The following RGS7 variants were observed in gnomAD, a reference collection of about 807,000 sequenced individuals.
RGS7 encodes the protein regulator of G-protein signaling 7.
A neutral mutation model predicts 81.1 loss-of-function variants in RGS7; 27 were observed. That is an observed-to-expected ratio of 0.33 (90% CI 0.25 to 0.46). RGS7 has a LOEUF of 0.46. RGS7 is among the 20% of genes least tolerant of loss of function. The pLI, the probability that RGS7 is intolerant of heterozygous loss-of-function variation, is 1.00. For missense variants in RGS7, 396 were observed against 607.4 expected (o/e 0.65, Z 3.66); for synonymous variants, 208 against 207.7 (o/e 1.00, Z -0.01).
chr1:241,070,434 C>T (rs962246091), intron 3 of RGS7, among the ~76,000 whole-genome samples: 3 of 151,858 alleles, frequency 2.0e-5, no homozygotes, highest in African/African-American at 2.4e-5. Flanking sequence ...GGTTTCTTAA[C>T]GTTCATCCAG....
At chr1:240,786,180 G>C (rs1207412172) in intron 18 of RGS7, among the ~76,000 whole-genome samples, 1 of 151,698 alleles carries the variant, frequency 6.6e-6, no homozygotes, top group Non-Finnish European at 1.5e-5. Context: ...AGAAAATGAA[G>C]AAAACATAGA....
At chr1:240,952,730 C>A (rs261846) in intron 4 of RGS7, among the ~76,000 whole-genome samples, 149,850 of 152,016 alleles carry the variant, frequency 0.99, 73,898 homozygotes, top group East Asian at 1. Flanking sequence ...CTAAATACAC[C>A]AACTAAAAAG....
At chr1:241,251,719 A>G (rs2076837110) in intron 2 of RGS7, among the ~76,000 whole-genome samples, 1 of 152,092 alleles carries the variant, frequency 6.6e-6, no homozygotes. Context: ...CACCTTCACC[A>G]GGCTGGTCTT....
chr1:241,150,554 C>T (rs889283151), intron 2 of RGS7, among the ~76,000 whole-genome samples: 3 of 152,184 alleles, frequency 2.0e-5, no homozygotes, highest in Admixed American at 6.5e-5. Context: ...GTTCTATAAA[C>T]CCCCTCCCAT....
chr1:240,897,067 A>G (rs1030700116), intron 6 of RGS7, among the ~76,000 whole-genome samples: 1 of 152,152 alleles, frequency 6.6e-6, no homozygotes, highest in African/African-American at 2.4e-5. Flanking sequence ...GAGTTCACTC[A>G]TGATTTGGCT....
At chr1:241,081,911 C>G (rs1265938982) in intron 3 of RGS7, among the ~76,000 whole-genome samples, 1 of 152,234 alleles carries the variant, frequency 6.6e-6, no homozygotes. Context: ...GAAGAATTTC[C>G]CTTTACCAAG....
At chr1:241,245,362 C>T (rs921535476) in intron 2 of RGS7, among the ~76,000 whole-genome samples, 3 of 147,362 alleles carry the variant, frequency 2.0e-5, no homozygotes, top group South Asian at 2.2e-4. Flanking sequence ...CCTCCTCTTG[C>T]TCCTGCCGTG....
In RGS7 at chr1:240,792,546, C is replaced by T. The variant is rs570094658; in HGVS notation, c.*6+8095G>A. ...CTTCTTCAGACCCTCTTTCTTGTGC[C>T]ACCTTTGCTCTGTCTCTCTCTCTCC... On this transcript the variant is annotated intron_variant, in intron 18 of 18. Coordinates refer to ENST00000440928, the MANE Select transcript of RGS7 (RefSeq NM_001364886.1). Among the ~76,000 whole-genome samples, 12 of 152,256 alleles carry T rather than the reference C, an allele frequency of 7.9e-5. No homozygotes were observed. The South Asian group carries it at 2.5e-3, about 32-fold the overall frequency.
chr1:241,329,920 G>GT lies in RGS7; in HGVS notation c.78+25778dup, dbSNP rs564609792. On this transcript the variant is annotated intron_variant, in intron 2 of 18. Coordinates refer to ENST00000440928, the MANE Select transcript of RGS7 (RefSeq NM_001364886.1). ...AAAAACTTGATGGCAATTTTTCTTT[G>GT]TTTTTTTTTTGTTTGTTTGTTTTTT... Among the ~76,000 whole-genome samples, 1,094 of 147,652 alleles carry GT rather than the reference G, an allele frequency of 7.4e-3. 10 individuals are homozygous for GT. The highest frequency in any genetic ancestry group is 0.01 in the Middle Eastern group (3 of 286).
At chr1:241,246,640 G>A (rs1309328208) in intron 2 of RGS7, among the ~76,000 whole-genome samples, 1 of 152,038 alleles carries the variant, frequency 6.6e-6, no homozygotes, top group African/African-American at 2.4e-5. Context: ...GTCCTTCGGG[G>A]GTAGGCAAAG....
rs2066647351 is a variant in RGS7, at chr1:241,126,211, G to A, written c.79-27449C>T. The stretch of plus-strand genomic sequence containing the variant: ...TGTTGCCAGGCTGGAGTGCAGTGGT[G>A]CAATCTCGGCTCAATGCAACCTCCG... On this transcript the variant is annotated intron_variant, in intron 2 of 18. Coordinates refer to ENST00000440928, the MANE Select transcript of RGS7 (RefSeq NM_001364886.1). Among the ~76,000 whole-genome samples the A allele has an allele frequency of 2.6e-5, 4 of 151,950 alleles. No homozygotes were observed. In the South Asian group the frequency reaches 8.3e-4, roughly 32 times the overall value.
At chr1:241,332,337 G>A (rs540682252) in intron 2 of RGS7, among the ~76,000 whole-genome samples, 8 of 152,298 alleles carry the variant, frequency 5.3e-5, no homozygotes, top group South Asian at 2.1e-4. Flanking sequence ...TGTAGGTGAC[G>A]TGATCTTGTG....
At chr1:241,148,405 T>G (rs1572891768) in intron 2 of RGS7, among the ~76,000 whole-genome samples, 1 of 152,280 alleles carries the variant, frequency 6.6e-6, no homozygotes. Flanking sequence ...GAATTGGTTC[T>G]GCTGAAAACT....
At chr1:240,776,354 A>G in intron 18 of RGS7, 141 bp from the exon 19 acceptor site, 1 of 691,440 alleles carries the variant, frequency 1.4e-6, no homozygotes. Flanking sequence ...CTTAGTTCAA[A>G]CCTCATGACC....
intron 3 of RGS7, among the ~76,000 whole-genome samples, chr1:241,018,271 C>G (rs2059368859): frequency 6.6e-6 from 1 of 151,908 alleles, no homozygotes; most frequent in South Asian, 2.1e-4. Context: ...GCATGAGCCA[C>G]CATACCCTGC....
At chr1:240,993,135 GAGGA>G (rs1686745269) in intron 3 of RGS7, among the ~76,000 whole-genome samples, 2 of 137,466 alleles carry the variant, frequency 1.5e-5, no homozygotes, top group Non-Finnish European at 1.6e-5. Flanking sequence ...AGGAAGGAAG[GAGGA>G]AAGGAAAGGA....
intron 3 of RGS7, among the ~76,000 whole-genome samples, chr1:241,046,307 C>CT (rs1553399825): frequency 7.6e-5 from 1 of 13,114 alleles, no homozygotes; most frequent in African/African-American, 1.3e-4. Context: ...CCCTGACCCC[C>CT]CCCCCCTTTT....
At chr1:241,060,218 A>C (rs184347888) in intron 3 of RGS7, among the ~76,000 whole-genome samples, 54 of 152,328 alleles carry the variant, frequency 3.5e-4, no homozygotes, top group African/African-American at 1.3e-3. Context: ...AACAACTATT[A>C]AATAGTATAG....
intron 9 of RGS7, among the ~76,000 whole-genome samples, chr1:240,856,721 T>C (rs565420791): frequency 1.3e-5 from 2 of 152,326 alleles, no homozygotes; most frequent in South Asian, 4.1e-4. Context: ...TTTTGAATTT[T>C]TAGCATTCTC....
Sources: allele counts gnomAD v4.1 joint callset (sites outside exome capture counted in the v4.1 genomes callset), GRCh38; gene constraint gnomAD v4.1.1; transcripts MANE v1.5; gene names NCBI Gene and HGNC (gene_info 2026-07-23, HGNC 2026-07-21).